LPP: variants seen among roughly 807,000 people sequenced by gnomAD.
LPP encodes LIM domain containing preferred translocation partner in lipoma, also known as lipoma-preferred partner.
Under a neutral mutation model 60.4 loss-of-function variants are expected in LPP, and 38 were observed. The ratio of observed to expected loss-of-function variants is 0.63; its 90% CI spans 0.49 to 0.83. LPP has a LOEUF of 0.83. Among genes scored for constraint, LPP ranks in the 40% least tolerant of loss-of-function variants. The probability of loss-of-function intolerance (pLI) is 0.00; values close to 1 mark genes in which losing one functional copy is unlikely to be tolerated. For missense variants in LPP, 902 were observed against 783.6 expected, an observed-to-expected ratio of 1.15 and a Z score of -1.80; for synonymous variants, 328 against 290.8, an observed-to-expected ratio of 1.13 and a Z score of -1.30.
At chr3:188,664,386 T>G (rs148880738) in intron 7 of LPP, among the ~76,000 whole-genome samples, 1 of 152,336 alleles carries the variant, frequency 6.6e-6, no homozygotes, top group Admixed American at 6.5e-5. Context: ...TTTGAATAAA[T>G]AAAGTTACAC....
At chr3:188,653,987 C>T (rs1056158794) in intron 7 of LPP, among the ~76,000 whole-genome samples, 1 of 152,172 alleles carries the variant, frequency 6.6e-6, no homozygotes, top group Non-Finnish European at 1.5e-5. Context: ...ATGCCAGCAT[C>T]CCTTGTCCGC....
At chr3:188,715,767 A>G (rs145751603) in intron 8 of LPP, among the ~76,000 whole-genome samples, 93 of 152,332 alleles carry the variant, frequency 6.1e-4, no homozygotes, top group African/African-American at 2.0e-3. Flanking sequence ...GCGTGTTTGT[A>G]TATGAAGCTT....
chr3:188,818,240 T>C (rs1215329010), intron 9 of LPP, among the ~76,000 whole-genome samples: 1 of 152,212 alleles, frequency 6.6e-6, no homozygotes, highest in Non-Finnish European at 1.5e-5. Flanking sequence ...CCTCCTTTTT[T>C]TCCCCCAGTA....
At chr3:188,543,261 T>C (rs958124399) in intron 6 of LPP, among the ~76,000 whole-genome samples, 2 of 152,182 alleles carry the variant, frequency 1.3e-5, no homozygotes, top group South Asian at 2.1e-4. Context: ...TCTTTCCCTT[T>C]AGTGATTTTC....
At chr3:188,450,924 G>A (rs140072932) in intron 4 of LPP, among the ~76,000 whole-genome samples, 4 of 152,182 alleles carry the variant, frequency 2.6e-5, no homozygotes, top group African/African-American at 7.2e-5. Flanking sequence ...ATGTACTGTC[G>A]TGAGCATTTT....
chr3:188,278,601 G>A (rs367646090), intron 2 of LPP, among the ~76,000 whole-genome samples: 16 of 151,906 alleles, frequency 1.1e-4, no homozygotes, highest in Non-Finnish European at 2.1e-4. Context: ...TTGCTTTCCC[G>A]TCAGTGGTCT....
Position 188,457,520 on chromosome 3 carries a change from C to T in LPP, c.194-27072C>T, listed in dbSNP as rs548210642. 6.8e-4 allele frequency among the ~76,000 whole-genome samples: 103 copies of T among 152,054 alleles called. 1 individual carries two copies. The highest frequency in any genetic ancestry group is 4.6e-4 in the Non-Finnish European group (31 of 67,988). On this transcript the variant is annotated intron_variant, in intron 4 of 11. Transcript: ENST00000617246. ...AGCTCTTCACTATCATTGGTCTAAG[C>T]GCTTGAAATGCTCCCATGTTTGGAA...
intron 4 of LPP, among the ~76,000 whole-genome samples, chr3:188,418,842 T>C (rs1787032668): frequency 6.6e-6 from 1 of 152,196 alleles, no homozygotes; most frequent in African/African-American, 2.4e-5. Flanking sequence ...CTTAGTTCAG[T>C]TGAATTGTGT....
chr3:188,868,914 T>C (rs751643181), intron 10 of LPP, among the ~76,000 whole-genome samples: 6 of 152,200 alleles, frequency 3.9e-5, no homozygotes, highest in Non-Finnish European at 8.8e-5. Flanking sequence ...GAGAAGTCAC[T>C]GTCAGCAAGG....
rs369508438 is a variant in LPP, at chr3:188,670,092, A to G, written c.1114-38175A>G. Among the ~76,000 whole-genome samples, 13 of 152,248 alleles carry G rather than the reference A, an allele frequency of 8.5e-5. 1 individual carries two copies. Among genetic ancestry groups the G allele is most frequent in the East Asian group, 7.7e-4 (4 of 5,172 alleles). On this transcript the variant is annotated intron_variant, in intron 7 of 11. Coordinates refer to ENST00000617246, the MANE Select transcript of LPP (RefSeq NM_001375462.1). ...CACAGGGTGAGGAACTTCACACACC[A>G]GGGCCTGTTGGGGGTTGGGGAGAGG...
At chr3:188,456,459 A>G (rs1348362811) in intron 4 of LPP, among the ~76,000 whole-genome samples, 1 of 152,248 alleles carries the variant, frequency 6.6e-6, no homozygotes, top group Non-Finnish European at 1.5e-5. Context: ...TACTATAAGA[A>G]TGTGATGAAC....
At chr3:188,480,827 G>C (rs550681001) in intron 4 of LPP, among the ~76,000 whole-genome samples, 1 of 152,278 alleles carries the variant, frequency 6.6e-6, no homozygotes, top group South Asian at 2.1e-4. Context: ...GTGCTGGCTG[G>C]AAGGTACTGC....
chr3:188,322,340 C>G (rs958583814), intron 2 of LPP, among the ~76,000 whole-genome samples: 1 of 152,170 alleles, frequency 6.6e-6, no homozygotes, highest in African/African-American at 2.4e-5. Context: ...CCTGATTCGT[C>G]CTTCTTCACT....
intron 7 of LPP, among the ~76,000 whole-genome samples, chr3:188,669,795 C>T (rs1170012498): frequency 2.0e-5 from 3 of 152,180 alleles, no homozygotes; most frequent in African/African-American, 7.2e-5. Context: ...TATAAAGACA[C>T]ATGCAGACGT....
intron 1 of LPP, among the ~76,000 whole-genome samples, chr3:188,156,553 G>A (rs1291859135): frequency 6.6e-6 from 1 of 152,120 alleles, no homozygotes; most frequent in Admixed American, 6.5e-5. Context: ...AATATTATTG[G>A]CTTGGCACGA....
chr3:188,674,487 A>G (rs1057463176), intron 7 of LPP, among the ~76,000 whole-genome samples: 5 of 152,184 alleles, frequency 3.3e-5, no homozygotes, highest in Non-Finnish European at 7.3e-5. Context: ...TGTAACTTAC[A>G]TAAGGAAATG....
At chr3:188,655,509 A>C (rs1852985407) in intron 7 of LPP, among the ~76,000 whole-genome samples, 1 of 152,212 alleles carries the variant, frequency 6.6e-6, no homozygotes, top group Admixed American at 6.5e-5. Context: ...TAGAAGATGC[A>C]TGGAAGAAGC....
intron 7 of LPP, among the ~76,000 whole-genome samples, chr3:188,636,567 G>T (rs997696438): frequency 1.3e-5 from 2 of 152,180 alleles, no homozygotes; most frequent in African/African-American, 4.8e-5. Flanking sequence ...GCTCAAGGAA[G>T]CCTGCCTGCC....
At chr3:188,495,266 G>A (rs116005011) in intron 5 of LPP, among the ~76,000 whole-genome samples, 9,011 of 145,936 alleles carry the variant, frequency 0.062, 930 homozygotes, top group African/African-American at 0.21. Flanking sequence ...ATGAATGATT[G>A]AATTAAATAA....
Sources: allele counts gnomAD v4.1 joint callset (sites outside exome capture counted in the v4.1 genomes callset), GRCh38; gene constraint gnomAD v4.1.1; transcripts MANE v1.5; gene names NCBI Gene and HGNC (gene_info 2026-07-23, HGNC 2026-07-21).